RANBP9: variants seen among roughly 807,000 people sequenced by gnomAD.
RANBP9 encodes the protein ran-binding protein 9.
Under a neutral mutation model 84.3 loss-of-function variants are expected in RANBP9, and 15 were observed. The observed-to-expected ratio is 0.18, with a 90% confidence interval of 0.12 to 0.27. RANBP9 has a LOEUF of 0.27. Ranked by LOEUF, RANBP9 falls within the 10% of genes least tolerant of loss-of-function variation. RANBP9 has a pLI of 1.00. For synonymous variants in RANBP9, 392 were observed against 349.6 expected (o/e 1.12, Z -1.35); for missense variants, 809 against 912.8 (o/e 0.89, Z 1.46).
At chr6:13,654,019 CATAAA>C (rs560553896) in intron 4 of RANBP9, among the ~76,000 whole-genome samples, 581 of 152,102 alleles carry the variant, frequency 3.8e-3, no homozygotes, top group Non-Finnish European at 6.1e-3. Flanking sequence ...TAATATTTTT[CATAAA>C]ATAATTTTTC....
At chr6:13,636,875 A>C (rs915161084) in intron 10 of RANBP9, among the ~76,000 whole-genome samples, 1 of 152,130 alleles carries the variant, frequency 6.6e-6, no homozygotes, top group Non-Finnish European at 1.5e-5. Flanking sequence ...TTTTTTACAT[A>C]CAATCCTTTC....
intron 2 of RANBP9, among the ~76,000 whole-genome samples, chr6:13,687,586 A>C (rs1285893800): frequency 2.0e-5 from 3 of 152,192 alleles, no homozygotes; most frequent in African/African-American, 7.2e-5. Context: ...GTCATTCTTA[A>C]CATTCTCTCA....
intron 4 of RANBP9, among the ~76,000 whole-genome samples, chr6:13,656,144 T>C (rs995002537): frequency 1.3e-5 from 2 of 152,196 alleles, no homozygotes; most frequent in African/African-American, 2.4e-5. Flanking sequence ...TTTTATACTA[T>C]GAAATAACAG....
At position 13,711,496 on chromosome 6, in the gene RANBP9, G is replaced by A; in HGVS notation, c.10C>T (p.Gln4Ter). The A allele has an allele frequency of 1.6e-6, 2 of 1,249,468 alleles. No homozygotes were observed. Among genetic ancestry groups the A allele is most frequent in the Non-Finnish European group, 1.0e-6 (1 of 995,682 alleles). 77.4% of individuals were successfully genotyped at this position (1,249,468 alleles called of 1,614,324 possible). MSG[Q>*]PPPPPPQQQQ... ...TGCTGCGGCGGCGGCGGCGGCGGCT[G>A]CCCGGACATCCCGGCCGCGACTCAG... The change falls in exon 1 of 14, where the codon CAG becomes TAG. Residue 4 changes from glutamine to a stop codon, truncating the protein, a stop_gained. Transcript: ENST00000011619. LOFTEE classifies it high-confidence loss of function.
rs1766119866 is a variant in RANBP9, at chr6:13,684,422, T to C, written c.683+12363A>G. On this transcript the variant is annotated intron_variant, in intron 2 of 13. Transcript: ENST00000011619. ...TTTCCCTACCCAGCCTGAACTAAAA[T>C]GGTCCATTTAGATATTCCCTCACCC... is the stretch of plus-strand genomic sequence containing the variant. Among the ~76,000 whole-genome samples the C allele has an allele frequency of 2.6e-5, 4 of 152,224 alleles. No individual in the cohort carries two copies. In the South Asian group the frequency reaches 8.3e-4, roughly 31 times the overall value.
At chr6:13,693,472 C>G (rs547813741) in intron 2 of RANBP9, among the ~76,000 whole-genome samples, 1 of 152,192 alleles carries the variant, frequency 6.6e-6, no homozygotes, top group Non-Finnish European at 1.5e-5. Context: ...GTGGGCCAGG[C>G]ACAGTGGCTC....
In RANBP9 at chr6:13,652,679, T is replaced by C. The variant is rs1223946173; in HGVS notation, c.907A>G (p.Ile303Val). ...CTTACCGGTAGGTCAGTGAAAGCAA[T>C]ACCTAAAAAGAAAAAAAAAAGTGGC... ...FYTKNGHSLGIAFTDLPPNLY... is the reference protein window; with the variant it reads ...FYTKNGHSLGVAFTDLPPNLY... Residue 303 changes from isoleucine to valine, a missense_variant and splice_region_variant, in exon 5 of 14, where the codon ATT becomes GTT. By Grantham distance (29) the Ile-to-Val change is conservative. This residue lies in a region of RANBP9 where 216 missense variants were observed against 329.0 expected (regional missense o/e 0.66). Transcript: ENST00000011619. 14 of 1,593,702 alleles carry C rather than the reference T, an allele frequency of 8.8e-6. No homozygotes were observed. In the Admixed American group the frequency reaches 1.0e-4, roughly 12 times the overall value.
rs1306907308 is a variant in RANBP9, at chr6:13,711,285, G to A, written c.221C>T (p.Pro74Leu). 5.0e-6 allele frequency: 5 copies of A among 1,002,648 alleles called. No individual in the cohort carries two copies. In the African/African-American group the frequency reaches 8.8e-5, roughly 18 times the overall value. 62.1% of individuals were successfully genotyped at this position (1,002,648 alleles called of 1,614,324 possible). A position where few individuals can be genotyped will look rare whatever the true frequency, so the allele number is the denominator to read the frequency against. ...AAALLLHPPP[P>L]PPPATAAPPP... The stretch of plus-strand genomic sequence containing the variant: ...CGGGGCCGCGGTGGCCGGGGGCGGC[G>A]GCGGCGGAGGGTGGAGGAGCAGGGC... Residue 74 changes from proline to leucine, a missense_variant, in exon 1 of 14, where the codon CCG (proline) becomes CTG (leucine). Pro to Leu is a moderately conservative substitution (Grantham distance 98). Around this residue, in one of 5 missense-constraint regions of RANBP9, gnomAD observed 302 missense variants for 240.1 expected, o/e 1.26. Coordinates refer to ENST00000011619, the MANE Select transcript of RANBP9 (RefSeq NM_005493.3).
intron 2 of RANBP9, among the ~76,000 whole-genome samples, chr6:13,695,781 A>G (rs147275421): frequency 0.014 from 2,178 of 152,190 alleles, 104 homozygotes; most frequent in Admixed American, 0.1. Context: ...CTGAATTCCA[A>G]GTTTTTATTT....
chr6:13,683,100 T>G (rs1407180086), intron 2 of RANBP9, among the ~76,000 whole-genome samples: 1 of 152,190 alleles, frequency 6.6e-6, no homozygotes, highest in Non-Finnish European at 1.5e-5. Flanking sequence ...AACCAGTCTG[T>G]TTTTCCATCT....
At chr6:13,654,193 CACA>C (rs1434029898) in intron 4 of RANBP9, among the ~76,000 whole-genome samples, 6 of 151,922 alleles carry the variant, frequency 3.9e-5, no homozygotes, top group Non-Finnish European at 1.5e-5. Context: ...ATATAGTTAC[CACA>C]ACATGTTTTT....
intron 2 of RANBP9, among the ~76,000 whole-genome samples, chr6:13,682,099 T>G (rs2113330912): frequency 6.6e-6 from 1 of 152,220 alleles, no homozygotes; most frequent in South Asian, 2.1e-4. Flanking sequence ...TGACCTCAGG[T>G]GTTCCTCCCA....
At position 13,632,508 on chromosome 6, in the gene RANBP9, A is replaced by C. The variant is rs142243405; in HGVS notation, c.1809T>G (p.Ser603Arg). 1.2e-6 allele frequency: 2 copies of C among 1,612,658 alleles called. No individual in the cohort carries two copies. Among genetic ancestry groups the C allele is most frequent in the African/African-American group, 2.7e-5 (2 of 74,814 alleles). Reference sequence around the variant, plus strand: ...CTCCACACAACTGGCGTCTCAACTGACTTGAATCAACTTCTGTAAGAAAAA... The same window carrying C: ...CTCCACACAACTGGCGTCTCAACTGCCTTGAATCAACTTCTGTAAGAAAAA... ...DCDTEMEVDSSQLRRQLCGGS... is the reference protein window; with the variant it reads ...DCDTEMEVDSRQLRRQLCGGS... The change falls in exon 12 of 14, where the codon AGT becomes AGG. Residue 603 changes from serine (S) to arginine (R), a missense_variant. Coordinates refer to ENST00000011619, the MANE Select transcript of RANBP9 (RefSeq NM_005493.3).
intron 12 of RANBP9, 122 bp downstream of exon 12, chr6:13,632,248 C>CT: frequency 1.2e-6 from 1 of 815,306 alleles, no homozygotes; most frequent in South Asian, 1.9e-5. Flanking sequence ...GGCAAGGAGC[C>CT]AGGGGGAAGG....
chr6:13,650,023 A>G (rs886141278), intron 5 of RANBP9, among the ~76,000 whole-genome samples: 1 of 152,198 alleles, frequency 6.6e-6, no homozygotes, highest in Non-Finnish European at 1.5e-5. Flanking sequence ...GATTTTTAAA[A>G]ATTTAACTCT....
rs148700956 is a variant in RANBP9 at position 13,669,441 on chromosome 6, A to G, written c.684-10609T>C. ...AAAATAATCTTGAAAAAGAACAAAAAAGTTGGAAGACTCACACATTCCAAT... is the reference window on the plus strand; with the variant it reads ...AAAATAATCTTGAAAAAGAACAAAAGAGTTGGAAGACTCACACATTCCAAT... On this transcript the variant is annotated intron_variant, in intron 2 of 13. Coordinates refer to ENST00000011619, the MANE Select transcript of RANBP9 (RefSeq NM_005493.3). Among the ~76,000 whole-genome samples the G allele has an allele frequency of 7.9e-3, 1,202 of 152,280 alleles. 13 individuals carry two copies. The highest frequency in any genetic ancestry group is 0.027 in the African/African-American group (1,121 of 41,554).
At chr6:13,686,441 G>T (rs543758929) in intron 2 of RANBP9, among the ~76,000 whole-genome samples, 4 of 151,746 alleles carry the variant, frequency 2.6e-5, no homozygotes, top group African/African-American at 9.7e-5. Context: ...GCGCCACCAC[G>T]CCCAGCTATT....
intron 2 of RANBP9, among the ~76,000 whole-genome samples, chr6:13,677,886 G>C (rs1346289893): frequency 6.6e-6 from 1 of 152,178 alleles, no homozygotes; most frequent in African/African-American, 2.4e-5. Flanking sequence ...AGGAGGCTGA[G>C]GTGGGTGGAT....
intron 3 of RANBP9, 49 bp downstream of exon 3, chr6:13,658,731 G>A (rs776153165): frequency 1.4e-6 from 2 of 1,406,186 alleles, no homozygotes; most frequent in Admixed American, 1.8e-5. Flanking sequence ...AATTTAACCA[G>A]AAAGAGCTAC....
Sources: gnomAD v4.1 joint callset for allele counts (sites outside exome capture counted in the v4.1 genomes callset) on GRCh38, gnomAD v4.1.1 for gene constraint, gnomAD v4.1.1 regional missense constraint, MANE v1.5 for transcripts, NCBI Gene and HGNC (gene_info 2026-07-23, HGNC 2026-07-21) for gene names.